Variants in IQGAP2 observed in about 807,000 individuals in gnomAD.
IQGAP2 encodes IQ motif containing GTPase activating protein 2, also known as ras GTPase-activating-like protein IQGAP2.
IQGAP2 carries 173 observed loss-of-function variants against 201.3 expected under a neutral mutation model. That is an observed-to-expected ratio of 0.86 (90% confidence interval 0.76 to 0.98). IQGAP2 has a LOEUF of 0.98. Among genes scored for constraint, IQGAP2 ranks in the 50% least tolerant of loss-of-function variants. IQGAP2 has a pLI of 0.00. For synonymous variants in IQGAP2, 675 were observed against 673.9 expected (o/e 1.00, Z -0.03); for missense variants, 1,687 against 1,864.8 (o/e 0.90, Z 1.76).
chr5:76,607,332 C>T (rs1324154930), intron 12 of IQGAP2: 1 of 152,162 alleles, frequency 6.6e-6, no homozygotes, highest in Non-Finnish European at 1.5e-5. Flanking sequence ...AAGTCAAGGC[C>T]AGTTTTGGTT....
intron 2 of IQGAP2, among the ~76,000 whole-genome samples, chr5:76,522,813 G>A (rs1758766732): frequency 6.6e-6 from 1 of 152,194 alleles, no homozygotes; most frequent in Non-Finnish European, 1.5e-5. Context: ...GGCCTTGGAA[G>A]CCACTTACTT....
intron 1 of IQGAP2, among the ~76,000 whole-genome samples, chr5:76,414,965 C>T (rs971462931): frequency 6.6e-6 from 1 of 152,204 alleles, no homozygotes; most frequent in South Asian, 2.1e-4. Context: ...AAACGTGTAC[C>T]TTTCTCTGCT....
intron 2 of IQGAP2, among the ~76,000 whole-genome samples, chr5:76,554,618 C>G (rs984030712): frequency 2.0e-5 from 3 of 152,164 alleles, no homozygotes; most frequent in Admixed American, 2.0e-4. Context: ...TGAGATGCCA[C>G]TTTGCATCCA....
At chr5:76,415,556 C>T (rs889807668) in intron 1 of IQGAP2, among the ~76,000 whole-genome samples, 9 of 152,082 alleles carry the variant, frequency 5.9e-5, no homozygotes, top group African/African-American at 2.2e-4. Context: ...TCTAATTTTC[C>T]AAGTGTGTAT....
chr5:76,516,060 G>A (rs1758302095), intron 2 of IQGAP2, among the ~76,000 whole-genome samples: 1 of 151,840 alleles, frequency 6.6e-6, no homozygotes. Flanking sequence ...GTTTTTTACA[G>A]AGACGGGGTT....
At chr5:76,555,325 CACACAGTCATATTACATAATT>C (rs1743867006) in intron 2 of IQGAP2, among the ~76,000 whole-genome samples, 1 of 152,162 alleles carries the variant, frequency 6.6e-6, no homozygotes, top group Non-Finnish European at 1.5e-5. Context: ...TGTTAAACCA[CACACAGTCATATTACATAATT>C]ACACAGTCAT....
chr5:76,484,012 T>C (rs1021125817), intron 2 of IQGAP2, among the ~76,000 whole-genome samples: 1 of 147,954 alleles, frequency 6.8e-6, no homozygotes, highest in African/African-American at 2.7e-5. Context: ...CCTTCCTGAC[T>C]TCAGGATGTT....
intron 2 of IQGAP2, among the ~76,000 whole-genome samples, chr5:76,479,443 A>G (rs1755645880): frequency 6.6e-6 from 1 of 152,138 alleles, no homozygotes; most frequent in African/African-American, 2.4e-5. Flanking sequence ...TTTGGGGAAC[A>G]CAGACCAGCT....
intron 1 of IQGAP2, among the ~76,000 whole-genome samples, chr5:76,446,002 T>C (rs966661194): frequency 6.6e-6 from 1 of 152,256 alleles, no homozygotes; most frequent in Non-Finnish European, 1.5e-5. Flanking sequence ...ATCCACACTG[T>C]AGCATGTGTC....
intron 2 of IQGAP2, among the ~76,000 whole-genome samples, chr5:76,534,252 G>C (rs927679695): frequency 6.6e-6 from 1 of 152,224 alleles, no homozygotes; most frequent in Non-Finnish European, 1.5e-5. Flanking sequence ...AAGGGCTAAA[G>C]TGGCTGGAGT....
At chr5:76,606,342 G>A in intron 12 of IQGAP2, 39 bp downstream of exon 12, 1 of 1,522,918 alleles carries the variant, frequency 6.6e-7, no homozygotes, top group East Asian at 2.3e-5. Context: ...CATAGTGGGA[G>A]AAGAAGGTAT....
At chr5:76,448,049 A>G (rs1049272348) in intron 1 of IQGAP2, among the ~76,000 whole-genome samples, 1 of 152,170 alleles carries the variant, frequency 6.6e-6, no homozygotes, top group African/African-American at 2.4e-5. Context: ...GTGGAGGTCC[A>G]GAGAGACTCA....
At chr5:76,510,378 A>G (rs1757888954) in intron 2 of IQGAP2, 2 of 195,252 alleles carry the variant, frequency 1.0e-5, no homozygotes, top group Admixed American at 5.9e-5. Context: ...CAACTGCAAT[A>G]AAGATGTGTC....
At chr5:76,426,499 C>CT (rs1425791190) in intron 1 of IQGAP2, among the ~76,000 whole-genome samples, 1 of 152,222 alleles carries the variant, frequency 6.6e-6, no homozygotes, top group East Asian at 1.9e-4. Context: ...AGCCGGGTTC[C>CT]TTTTCAGGAA....
chr5:76,606,935 T>C (rs1747849929), intron 12 of IQGAP2: 1 of 152,232 alleles, frequency 6.6e-6, no homozygotes, highest in Non-Finnish European at 1.5e-5. Flanking sequence ...TTTTCTGTAG[T>C]ATGCATTACC....
chr5:76,434,102 G>C (rs568877753), intron 1 of IQGAP2, among the ~76,000 whole-genome samples: 1 of 152,212 alleles, frequency 6.6e-6, no homozygotes, highest in South Asian at 2.1e-4. Context: ...ATTTGCCACC[G>C]TATTCTCTAG....
At chr5:76,683,043 A>G in intron 28 of IQGAP2, 72 bp from the exon 29 acceptor site, 1 of 899,586 alleles carries the variant, frequency 1.1e-6, no homozygotes, top group Non-Finnish European at 1.7e-6. Context: ...AAATTATGAA[A>G]AATTTCATAT....
chr5:76,662,398 C>T lies in IQGAP2; in HGVS notation c.2530-2628C>T, dbSNP rs558839964. Among the ~76,000 whole-genome samples the T allele has an allele frequency of 3.3e-5, 5 of 152,284 alleles. No homozygotes were observed. In the South Asian group the frequency reaches 8.3e-4, roughly 25 times the overall value. On this transcript the variant is annotated intron_variant, in intron 21 of 35. Transcript: ENST00000274364. ...TAGATCTGCCCCAGATCTTGCTCACCACCCCTACCCTCTCATCTGTATATG... is the reference window on the plus strand; with the variant it reads ...TAGATCTGCCCCAGATCTTGCTCACTACCCCTACCCTCTCATCTGTATATG...
chr5:76,506,919 T>C (rs1332091103), intron 2 of IQGAP2, among the ~76,000 whole-genome samples: 3 of 152,226 alleles, frequency 2.0e-5, no homozygotes, highest in Non-Finnish European at 2.9e-5. Context: ...GAACCCTCCA[T>C]GTTGTCAAGA....
Sources: gnomAD v4.1 joint callset for allele counts (sites outside exome capture counted in the v4.1 genomes callset) on GRCh38, gnomAD v4.1.1 for gene constraint, MANE v1.5 for transcripts, NCBI Gene and HGNC (gene_info 2026-07-23, HGNC 2026-07-21) for gene names.